The following BAIAP2L1 variants were observed in gnomAD, a reference collection of about 807,000 sequenced individuals.
The protein encoded by BAIAP2L1 is BAR/IMD domain-containing adapter protein 2-like 1.
In BAIAP2L1, 35 loss-of-function variants were observed where a neutral mutation model predicts 66.3. The observed-to-expected ratio is 0.53, with a 90% CI of 0.40 to 0.70. The LOEUF is 0.70. Among genes scored for constraint, BAIAP2L1 ranks in the 30% least tolerant of loss-of-function variants. BAIAP2L1 has a pLI of 0.00. For synonymous variants in BAIAP2L1, 269 were observed against 248.7 expected (o/e 1.08, Z -0.77); for missense variants, 622 against 656.9 (o/e 0.95, Z 0.58).
Position 98,371,413 on chromosome 7 carries a change from G to T in BAIAP2L1, c.52-8981C>A, listed in dbSNP as rs374687149. 3.9e-5 allele frequency among the ~76,000 whole-genome samples: 6 copies of T among 152,090 alleles called. No individual in the cohort carries two copies. In the East Asian group the frequency reaches 1.2e-3, roughly 29 times the overall value. ...GCATAAAAAGAAGCTTGGTTCTACC[G>T]CAAAACCTTAGCGGTACTGGAAAAT... On this transcript the variant is annotated intron_variant, in intron 1 of 13. Coordinates refer to ENST00000005260, the MANE Select transcript of BAIAP2L1 (RefSeq NM_018842.5).
intron 3 of BAIAP2L1, among the ~76,000 whole-genome samples, chr7:98,342,663 AT>A (rs1032239800): frequency 6.6e-6 from 1 of 152,178 alleles, no homozygotes; most frequent in Admixed American, 6.5e-5. Context: ...CTCAAAGCAA[AT>A]TTATAAACTC....
chr7:98,376,496 G>A (rs967228391), intron 1 of BAIAP2L1, among the ~76,000 whole-genome samples: 1 of 151,702 alleles, frequency 6.6e-6, no homozygotes, highest in South Asian at 2.1e-4. Context: ...GAGCAAGGCA[G>A]AGGGAGACCT....
intron 1 of BAIAP2L1, among the ~76,000 whole-genome samples, chr7:98,394,022 T>C (rs915316598): frequency 6.6e-6 from 1 of 151,946 alleles, no homozygotes; most frequent in African/African-American, 2.4e-5. Flanking sequence ...GGCAGGCAGA[T>C]CATGAGGTCA....
At chr7:98,322,880 T>C (rs1801288240) in intron 3 of BAIAP2L1, 1 of 152,266 alleles carries the variant, frequency 6.6e-6, no homozygotes, top group South Asian at 2.1e-4. Context: ...GGAAACCAGC[T>C]TCCGAGCTGT....
chr7:98,315,601 G>A lies in BAIAP2L1; in HGVS notation c.498C>T (p.Thr166=), dbSNP rs142035724. 59 of 1,386,814 alleles carry A rather than the reference G, an allele frequency of 4.3e-5. No homozygotes were observed. In the Middle Eastern group the frequency reaches 6.0e-4, roughly 14 times the overall value. 85.9% of individuals were successfully genotyped at this position (1,386,814 alleles called of 1,614,324 possible). ...GGATTTCACTCTGACGAGAAGTAAC[G>A]GTCTCCACATACTAAAAAAAAAAAA... The part of the protein sequence containing the change: ...YEHKEIEYVE[T]VTSRQSEIQK... The change falls in exon 7 of 14, where the codon ACC becomes ACT. Residue 166 remains threonine (T), a synonymous_variant. Coordinates refer to ENST00000005260, the MANE Select transcript of BAIAP2L1 (RefSeq NM_018842.5).
chr7:98,326,935 AAACAT>A (rs1040364692), intron 3 of BAIAP2L1, among the ~76,000 whole-genome samples: 6 of 152,242 alleles, frequency 3.9e-5, no homozygotes, highest in African/African-American at 1.4e-4. Flanking sequence ...CAATCAAAAC[AAACAT>A]AACAAATGAG....
At chr7:98,336,147 G>C (rs1266839778) in intron 3 of BAIAP2L1, among the ~76,000 whole-genome samples, 3 of 151,918 alleles carry the variant, frequency 2.0e-5, no homozygotes, top group Non-Finnish European at 2.9e-5. Context: ...ACTATGAGGG[G>C]GGGTGGGAGA....
chr7:98,334,942 G>A (rs1801580242), intron 3 of BAIAP2L1, among the ~76,000 whole-genome samples: 1 of 149,282 alleles, frequency 6.7e-6, no homozygotes, highest in South Asian at 2.1e-4. Context: ...GAGATCAGGA[G>A]ATCGAGACCA....
rs1800028512 is a variant in BAIAP2L1 at position 98,292,883 on chromosome 7, T to C, written c.*638A>G. ...AGAAAAGGAGCTCTCGGAGGAGATT[T>C]CGTCGAGTGCTACGTGTGGCTGTGA... On this transcript the variant is annotated 3_prime_UTR_variant, in exon 14 of 14. Transcript: ENST00000005260. 7.0e-7 allele frequency: 1 copy of C among 1,438,214 alleles called. No homozygotes were observed. Among genetic ancestry groups the C allele is most frequent in the Non-Finnish European group, 9.1e-7 (1 of 1,097,716 alleles). The allele number at this position is 1,438,214 out of a possible 1,614,324, so 89.1% of individuals were successfully genotyped here.
At chr7:98,322,507 A>G (rs1327948613) in intron 3 of BAIAP2L1, among the ~76,000 whole-genome samples, 1 of 152,152 alleles carries the variant, frequency 6.6e-6, no homozygotes. Flanking sequence ...GGAGGCCATC[A>G]TCGGAGCCAC....
intron 1 of BAIAP2L1, among the ~76,000 whole-genome samples, chr7:98,369,041 A>G (rs1262124197): frequency 6.7e-6 from 1 of 150,260 alleles, no homozygotes; most frequent in Non-Finnish European, 1.5e-5. Context: ...AGAAACTGCC[A>G]AACTTTTTTT....
intron 12 of BAIAP2L1, among the ~76,000 whole-genome samples, chr7:98,300,380 C>G (rs1241045044): frequency 6.6e-6 from 1 of 152,236 alleles, no homozygotes; most frequent in East Asian, 1.9e-4. Flanking sequence ...GGTCACTTGT[C>G]TAACAGGAGT....
At position 98,293,776 on chromosome 7, in the gene BAIAP2L1, C is replaced by T. The variant is rs137928445; in HGVS notation, c.1461-180G>A. 1.2e-4 allele frequency among the ~76,000 whole-genome samples: 18 copies of T among 152,348 alleles called. No individual in the cohort carries two copies. The East Asian group carries it at 3.5e-3, about 29-fold the overall frequency. On this transcript the variant is annotated intron_variant, in intron 13 of 13. Coordinates refer to ENST00000005260, the MANE Select transcript of BAIAP2L1 (RefSeq NM_018842.5). The stretch of plus-strand genomic sequence containing the variant: ...TTTTGTTCAGTGATGATTCCTACAC[C>T]ATACCACCTGCTGCAGAACGATCCC...
At chr7:98,311,566 CAGTA>C (rs1333723909) in intron 8 of BAIAP2L1, among the ~76,000 whole-genome samples, 5 of 150,664 alleles carry the variant, frequency 3.3e-5, no homozygotes, top group Non-Finnish European at 3.0e-5. Flanking sequence ...AAAAAAAAAA[CAGTA>C]AGGATAAAAT....
Position 98,400,869 on chromosome 7 carries a change from C to T in BAIAP2L1, c.-17G>A. 1 of 1,535,706 alleles carries T rather than the reference C, an allele frequency of 6.5e-7. No individual in the cohort carries two copies. Among genetic ancestry groups the T allele is most frequent in the Middle Eastern group, 1.8e-4 (1 of 5,674 alleles). ...CCGGGACATGGCTGCGGCCGCCGGGCGAGCAAGCGCGGGAGGACGCGGCTG... is the reference window on the plus strand; with the variant it reads ...CCGGGACATGGCTGCGGCCGCCGGGTGAGCAAGCGCGGGAGGACGCGGCTG... On this transcript the variant is annotated 5_prime_UTR_variant, in exon 1 of 14. Coordinates refer to ENST00000005260, the MANE Select transcript of BAIAP2L1 (RefSeq NM_018842.5).
At chr7:98,397,420 GTTCAAGCGA>G (rs1803241214) in intron 1 of BAIAP2L1, among the ~76,000 whole-genome samples, 1 of 146,356 alleles carries the variant, frequency 6.8e-6, no homozygotes, top group Non-Finnish European at 1.5e-5. Flanking sequence ...TAACTCCCTG[GTTCAAGCGA>G]TTATCCTGCC....
chr7:98,365,946 C>T (rs1802381217), intron 1 of BAIAP2L1, among the ~76,000 whole-genome samples: 2 of 152,254 alleles, frequency 1.3e-5, no homozygotes, highest in African/African-American at 2.4e-5. Flanking sequence ...TCTCCTCAAA[C>T]GTGTGGTGAT....
At position 98,293,489 on chromosome 7, in the gene BAIAP2L1, G is replaced by A. The variant is rs752651360; in HGVS notation, c.*32C>T. 4.4e-6 allele frequency: 7 copies of A among 1,595,054 alleles called. No individual in the cohort carries two copies. The highest frequency in any genetic ancestry group is 3.3e-5 in the Admixed American group (2 of 59,732). ...GCCCATCATTCCGCAAGGGAGAACC[G>A]GAGAGGCCCGGGAGAGTCCTTGGCT... is the stretch of plus-strand genomic sequence containing the variant. On this transcript the variant is annotated 3_prime_UTR_variant, in exon 14 of 14. Transcript: ENST00000005260.
intron 3 of BAIAP2L1, among the ~76,000 whole-genome samples, chr7:98,327,896 T>C (rs1801409394): frequency 6.6e-6 from 1 of 152,100 alleles, no homozygotes; most frequent in African/African-American, 2.4e-5. Flanking sequence ...ACAGGATAAA[T>C]ATTATTAACG....
Sources: allele counts gnomAD v4.1 joint callset (sites outside exome capture counted in the v4.1 genomes callset), GRCh38; gene constraint gnomAD v4.1.1; transcripts MANE v1.5; gene names NCBI Gene and HGNC (gene_info 2026-07-23, HGNC 2026-07-21).